Variants in ANO6 observed in about 807,000 individuals in gnomAD.
ANO6 encodes the protein anoctamin-6.
Under a neutral mutation model 117.5 loss-of-function variants are expected in ANO6, and 106 were observed. That is an observed-to-expected ratio of 0.90 (90% CI 0.77 to 1.06). The LOEUF (loss-of-function observed/expected upper bound fraction) is 1.06, where lower values mean the gene tolerates loss of function less well. ANO6 is among the 50% of genes least tolerant of loss of function. The pLI is 0.00. For missense variants in ANO6, 955 were observed against 1,121.1 expected, an observed-to-expected ratio of 0.85 and a Z score of 2.12; for synonymous variants, 367 against 385.1, an observed-to-expected ratio of 0.95 and a Z score of 0.55.
At chr12:45,313,684 GT>G (rs1363682241) in intron 2 of ANO6, among the ~76,000 whole-genome samples, 11 of 151,974 alleles carry the variant, frequency 7.2e-5, no homozygotes, top group Non-Finnish European at 1.2e-4. Context: ...AGAAAGTACA[GT>G]TACAGACACT....
chr12:45,320,592 T>G (rs1335032831), intron 2 of ANO6, among the ~76,000 whole-genome samples: 1 of 152,174 alleles, frequency 6.6e-6, no homozygotes, highest in African/African-American at 2.4e-5. Flanking sequence ...GAATGTATAT[T>G]CTGTTGATTT....
intron 3 of ANO6, among the ~76,000 whole-genome samples, chr12:45,332,298 TCTCTCTCTCTCTCA>T (rs1263337874): frequency 9.4e-6 from 1 of 106,856 alleles, no homozygotes; most frequent in Non-Finnish European, 1.9e-5. Context: ...CTCTGTTCTC[TCTCTCTCTCTCTCA>T]CACACACACA....
chr12:45,395,037 T>G (rs1308451877), intron 12 of ANO6, among the ~76,000 whole-genome samples: 1 of 151,982 alleles, frequency 6.6e-6, no homozygotes, highest in Non-Finnish European at 1.5e-5. Flanking sequence ...CTTCAAAAAA[T>G]CAGTGAATCC....
At chr12:45,352,231 G>A (rs1363611449) in intron 7 of ANO6, among the ~76,000 whole-genome samples, 1 of 152,046 alleles carries the variant, frequency 6.6e-6, no homozygotes, top group Non-Finnish European at 1.5e-5. Flanking sequence ...TACAGAAATA[G>A]AGTATCATAG....
rs200525226 is a variant in ANO6 at position 45,416,918 on chromosome 12, A to T, written c.2217+14A>T. 30 of 1,613,432 alleles carry T rather than the reference A, an allele frequency of 1.9e-5. No homozygotes were observed. The East Asian group carries it at 5.6e-4, about 30-fold the overall frequency. ...GTGGTGACCAATGTGAGTAGACCTA[A>T]GCTTTACAGAGTAAAGACCTTGAAG... is the stretch of plus-strand genomic sequence containing the variant. On this transcript the variant is annotated intron_variant, in intron 17 of 19. Transcript: ENST00000320560.
chr12:45,413,096 T>C (rs1323377464), intron 16 of ANO6, among the ~76,000 whole-genome samples: 1 of 152,162 alleles, frequency 6.6e-6, no homozygotes, highest in Non-Finnish European at 1.5e-5. Context: ...TTAAAGAAAT[T>C]AGGATCCACT....
intron 1 of ANO6, among the ~76,000 whole-genome samples, chr12:45,289,324 A>G (rs12321160): frequency 0.031 from 4,659 of 151,782 alleles, 230 homozygotes; most frequent in African/African-American, 0.1. Context: ...CTGCCACCAC[A>G]CCTGGCTAAT....
chr12:45,269,283 A>C (rs1938317312), intron 1 of ANO6, among the ~76,000 whole-genome samples: 1 of 152,104 alleles, frequency 6.6e-6, no homozygotes, highest in South Asian at 2.1e-4. Flanking sequence ...GTTCATTTTC[A>C]CCTGGGATTT....
At chr12:45,272,001 G>T (rs1469006826) in intron 1 of ANO6, among the ~76,000 whole-genome samples, 1 of 152,126 alleles carries the variant, frequency 6.6e-6, no homozygotes, top group Non-Finnish European at 1.5e-5. Flanking sequence ...CAGTGTGGAA[G>T]TAAAGTCACC....
rs1555166231 is a variant in ANO6 at position 45,295,851 on chromosome 12, T to TTTTTTATTTATA, written c.71-6154_71-6153insATATTTTTATTT. The stretch of plus-strand genomic sequence containing the variant: ...CTGTGATTACAGGCGCTTTTTAAAT[T>TTTTTTATTTATA]TTTTTATTTTTATTTTTATTTTTAT... On this transcript the variant is annotated intron_variant, in intron 1 of 19. Transcript: ENST00000320560. Among the ~76,000 whole-genome samples the TTTTTTATTTATA allele has an allele frequency of 6.6e-5, 10 of 151,904 alleles. No individual in the cohort carries two copies. The East Asian group carries it at 1.7e-3, about 26-fold the overall frequency.
intron 3 of ANO6, among the ~76,000 whole-genome samples, chr12:45,334,827 C>T (rs1030311787): frequency 6.6e-6 from 1 of 151,984 alleles, no homozygotes; most frequent in Admixed American, 6.6e-5. Flanking sequence ...AAAACAAATT[C>T]CCATATATTT....
chr12:45,431,218 T>C lies in ANO6; in HGVS notation c.*1907T>C. ...CACTGGGATGGAGAAATGAATTTCT[T>C]CCCACTGAAGGAAACTCTTTCTCAT... On this transcript the variant is annotated 3_prime_UTR_variant, in exon 20 of 20. Transcript: ENST00000320560. 2.0e-6 allele frequency: 2 copies of C among 985,332 alleles called. No homozygotes were observed. Among genetic ancestry groups the C allele is most frequent in the Non-Finnish European group, 2.4e-6 (2 of 829,914 alleles). The allele number at this position is 985,332 out of a possible 1,614,324, so 61.0% of individuals were successfully genotyped here.
At chr12:45,436,833 G>A (rs954291192), downstream of ANO6, among the ~76,000 whole-genome samples, 3 of 152,138 alleles carry the variant, frequency 2.0e-5, no homozygotes, top group Non-Finnish European at 4.4e-5. Flanking sequence ...GCCGTGTGTG[G>A]TGGCAGGCAC....
rs373602299 is a variant in ANO6 at position 45,236,938 on chromosome 12, G to A, written c.70+20547G>A. Among the ~76,000 whole-genome samples the A allele has an allele frequency of 9.2e-5, 14 of 152,278 alleles. No homozygotes were observed. In the East Asian group the frequency reaches 9.6e-4, roughly 10 times the overall value. ...TCGCCATTCTAACTGGTGTGGGTTG[G>A]TATCTCATTGTGGTTTTTATTTGCA... On this transcript the variant is annotated intron_variant, in intron 1 of 19. Coordinates refer to ENST00000320560, the MANE Select transcript of ANO6 (RefSeq NM_001025356.3).
chr12:45,306,753 A>T (rs1320016303), intron 2 of ANO6, among the ~76,000 whole-genome samples: 1 of 151,998 alleles, frequency 6.6e-6, no homozygotes. Flanking sequence ...TTGTGAAGCT[A>T]ACATTTTGAT....
At chr12:45,284,347 C>CT (rs1329631283) in intron 1 of ANO6, among the ~76,000 whole-genome samples, 2 of 152,176 alleles carry the variant, frequency 1.3e-5, no homozygotes, top group African/African-American at 4.8e-5. Context: ...GCCAGAATTT[C>CT]TTTATCTCCA....
chr12:45,316,941 AACTTAAAAC>A (rs1271212645), intron 2 of ANO6, among the ~76,000 whole-genome samples: 5 of 149,998 alleles, frequency 3.3e-5, no homozygotes, highest in Admixed American at 2.7e-4. Flanking sequence ...ACTATATTAG[AACTTAAAAC>A]ACTTAAAACT....
intron 16 of ANO6, among the ~76,000 whole-genome samples, chr12:45,412,699 T>C (rs1356909567): frequency 6.6e-6 from 1 of 152,212 alleles, no homozygotes; most frequent in African/African-American, 2.4e-5. Flanking sequence ...TCTTCATTTG[T>C]TCATTCATTC....
At chr12:45,318,809 G>A (rs1940145315) in intron 2 of ANO6, among the ~76,000 whole-genome samples, 1 of 152,118 alleles carries the variant, frequency 6.6e-6, no homozygotes, top group Non-Finnish European at 1.5e-5. Flanking sequence ...TTGAGCAGTG[G>A]TTTGTAGTTC....
Sources: gnomAD v4.1 joint callset for allele counts (sites outside exome capture counted in the v4.1 genomes callset) on GRCh38, gnomAD v4.1.1 for gene constraint, MANE v1.5 for transcripts, NCBI Gene and HGNC (gene_info 2026-07-23, HGNC 2026-07-21) for gene names.